Variants in LRP1B observed in about 807,000 individuals in gnomAD.
LRP1B encodes the protein LDL receptor related protein 1B.
A neutral mutation model predicts 556.6 loss-of-function variants in LRP1B; 217 were observed. The ratio of observed to expected loss-of-function variants is 0.39; its 90% CI spans 0.35 to 0.44. The LOEUF (loss-of-function observed/expected upper bound fraction) is 0.44, where lower values mean the gene tolerates loss of function less well. Ranked by LOEUF, LRP1B falls within the 20% of genes least tolerant of loss-of-function variation. The pLI is 1.00. For missense variants in LRP1B, 5,053 were observed against 5,620.8 expected, an observed-to-expected ratio of 0.90 and a Z score of 3.23; for synonymous variants, 2,047 against 1,865.8, an observed-to-expected ratio of 1.10 and a Z score of -2.50.
intron 3 of LRP1B, among the ~76,000 whole-genome samples, chr2:141,464,606 A>ATATATATTTTTTTTTTTTTTTTTTTTT: frequency 1.1e-5 from 1 of 90,562 alleles, no homozygotes; most frequent in East Asian, 2.8e-4. Flanking sequence ...ATATATATAT[A>ATATATATTTTTTTTTTTTTTTTTTTTT]TTTTTTTAGT....
At chr2:140,787,937 A>G (rs1689965986) in intron 32 of LRP1B, among the ~76,000 whole-genome samples, 1 of 152,036 alleles carries the variant, frequency 6.6e-6, no homozygotes, top group Non-Finnish European at 1.5e-5. Flanking sequence ...TCTTCCACTC[A>G]TACTCCAAAA....
At chr2:140,252,087 A>AAAAAC (rs1170506845) in intron 86 of LRP1B, among the ~76,000 whole-genome samples, 33 of 111,674 alleles carry the variant, frequency 3.0e-4, no homozygotes, top group East Asian at 6.0e-4. Context: ...AAAAAAAAAA[A>AAAAAC]AACCCAAAAA....
At chr2:141,404,422 G>A (rs945692042) in intron 3 of LRP1B, among the ~76,000 whole-genome samples, 6 of 152,056 alleles carry the variant, frequency 3.9e-5, no homozygotes, top group African/African-American at 1.4e-4. Context: ...AGCCAGGAAG[G>A]GAAGTAAAAT....
At chr2:140,962,612 G>A (rs1194568574) in intron 18 of LRP1B, among the ~76,000 whole-genome samples, 1 of 151,952 alleles carries the variant, frequency 6.6e-6, no homozygotes, top group Non-Finnish European at 1.5e-5. Flanking sequence ...TTCCTGGCAG[G>A]GTACAGAAGG....
intron 2 of LRP1B, among the ~76,000 whole-genome samples, chr2:141,600,251 A>T (rs557254570): frequency 6.6e-6 from 1 of 152,264 alleles, no homozygotes; most frequent in African/African-American, 2.4e-5. Context: ...TTTTTTTAAA[A>T]AAATGCAATA....
intron 1 of LRP1B, among the ~76,000 whole-genome samples, chr2:141,826,805 T>G (rs1410650560): frequency 1.3e-5 from 2 of 152,242 alleles, no homozygotes; most frequent in African/African-American, 4.8e-5. Flanking sequence ...AGAATGTTTA[T>G]GCACTTAGAC....
intron 1 of LRP1B, among the ~76,000 whole-genome samples, chr2:142,067,666 T>C (rs1446376161): frequency 6.6e-6 from 1 of 151,590 alleles, no homozygotes; most frequent in Non-Finnish European, 1.5e-5. Flanking sequence ...GCATTTACAT[T>C]ATTTAGACTG....
intron 3 of LRP1B, among the ~76,000 whole-genome samples, chr2:141,357,054 AT>A (rs1480143036): frequency 6.6e-6 from 1 of 150,876 alleles, no homozygotes; most frequent in Non-Finnish European, 1.5e-5. Context: ...TTTTTATTTT[AT>A]TTTATTTATT....
At chr2:140,603,620 T>A (rs80206366) in intron 41 of LRP1B, among the ~76,000 whole-genome samples, 1,748 of 152,230 alleles carry the variant, frequency 0.011, 32 homozygotes, top group African/African-American at 0.04. Flanking sequence ...ACACTTCGTA[T>A]CACCATTGAG....
chr2:140,396,826 G>A (rs1407961966), intron 66 of LRP1B, among the ~76,000 whole-genome samples: 3 of 152,148 alleles, frequency 2.0e-5, no homozygotes, highest in Admixed American at 2.0e-4. Flanking sequence ...AACAGGTGGT[G>A]TTTGGTTACG....
At chr2:141,568,153 G>C (rs1468403470) in intron 2 of LRP1B, among the ~76,000 whole-genome samples, 1 of 151,074 alleles carries the variant, frequency 6.6e-6, no homozygotes, top group Non-Finnish European at 1.5e-5. Context: ...ACTAACCAAG[G>C]AAAGAAGCTT....
chr2:141,268,051 G>C (rs563862232), intron 3 of LRP1B, among the ~76,000 whole-genome samples: 1 of 152,088 alleles, frequency 6.6e-6, no homozygotes, highest in Non-Finnish European at 1.5e-5. Context: ...ATTAGACTCA[G>C]ACATAGGAGG....
intron 3 of LRP1B, among the ~76,000 whole-genome samples, chr2:141,430,519 A>T (rs1301790060): frequency 6.6e-6 from 1 of 152,182 alleles, no homozygotes; most frequent in Non-Finnish European, 1.5e-5. Context: ...ATCTTACAAA[A>T]TGACTGACAT....
intron 33 of LRP1B, among the ~76,000 whole-genome samples, chr2:140,773,254 C>T (rs1689378028): frequency 6.6e-6 from 1 of 152,168 alleles, no homozygotes; most frequent in African/African-American, 2.4e-5. Context: ...CACCTGGGGT[C>T]AAGAGTTCCG....
chr2:140,442,049 A>T (rs1369094346), intron 66 of LRP1B, among the ~76,000 whole-genome samples: 2 of 152,208 alleles, frequency 1.3e-5, no homozygotes, highest in Non-Finnish European at 2.9e-5. Flanking sequence ...CTAATATGGA[A>T]CAGATGCTTT....
intron 1 of LRP1B, among the ~76,000 whole-genome samples, chr2:141,978,512 G>A (rs1451744472): frequency 4.6e-5 from 7 of 151,846 alleles, no homozygotes; most frequent in Non-Finnish European, 1.0e-4. Context: ...AAGAGATATC[G>A]ATAATTTAAA....
chr2:141,229,393 T>C lies in LRP1B; in HGVS notation c.640A>G (p.Ile214Val), dbSNP rs771655416. 14 of 1,606,688 alleles carry C rather than the reference T, an allele frequency of 8.7e-6. No homozygotes were observed. In the Middle Eastern group the frequency reaches 1.5e-3, roughly 172 times the overall value. ...PILLIANFET[I>V]EVFYLNGSKM... ...CTTCCATTAAGATAGAAAACCTCAATTGTTTCAAAATTTGCAATTAATAGT... is the reference window on the plus strand; with the variant it reads ...CTTCCATTAAGATAGAAAACCTCAACTGTTTCAAAATTTGCAATTAATAGT... The change falls in exon 6 of 91, where the codon ATT (isoleucine) becomes GTT (valine). Residue 214 changes from isoleucine to valine, a missense_variant. Ile to Val is a conservative substitution (Grantham distance 29). Coordinates refer to ENST00000389484, the MANE Select transcript of LRP1B (RefSeq NM_018557.3).
At position 140,688,563 on chromosome 2, in the gene LRP1B, T is replaced by G. The variant is rs2105393407; in HGVS notation, c.6799+11687A>C. 2.0e-5 allele frequency among the ~76,000 whole-genome samples: 3 copies of G among 152,328 alleles called. No individual in the cohort carries two copies. In the South Asian group the frequency reaches 6.2e-4, roughly 32 times the overall value. On this transcript the variant is annotated intron_variant, in intron 41 of 90. Transcript: ENST00000389484. Reference sequence around the variant, plus strand: ...ATAATAACCTATCCACTGCATGGATTGCAGAAGGTACACATTCTTCCCCTC... The same window carrying G: ...ATAATAACCTATCCACTGCATGGATGGCAGAAGGTACACATTCTTCCCCTC...
At chr2:141,978,231 A>C (rs1341051209) in intron 1 of LRP1B, among the ~76,000 whole-genome samples, 1 of 152,074 alleles carries the variant, frequency 6.6e-6, no homozygotes, top group Non-Finnish European at 1.5e-5. Flanking sequence ...TCTATGCTTA[A>C]TTGGGTCATT....
Sources: gnomAD v4.1 joint callset for allele counts (sites outside exome capture counted in the v4.1 genomes callset) on GRCh38, gnomAD v4.1.1 for gene constraint, MANE v1.5 for transcripts, NCBI Gene and HGNC (gene_info 2026-07-23, HGNC 2026-07-21) for gene names.